The following ADGRF5 variants were observed in gnomAD, a reference collection of about 807,000 sequenced individuals.
ADGRF5 encodes G-protein coupled receptor 116.
ADGRF5 carries 75 observed loss-of-function variants against 132.3 expected under a neutral mutation model. The ratio of observed to expected loss-of-function variants is 0.57; its 90% CI spans 0.47 to 0.69. ADGRF5 has a LOEUF of 0.69. Among genes scored for constraint, ADGRF5 ranks in the 30% least tolerant of loss-of-function variants. The probability of loss-of-function intolerance (pLI) is 0.00; values close to 1 mark genes in which losing one functional copy is unlikely to be tolerated. For missense variants in ADGRF5, 1,516 were observed against 1,630.6 expected, an observed-to-expected ratio of 0.93 and a Z score of 1.21; for synonymous variants, 629 against 597.6, an observed-to-expected ratio of 1.05 and a Z score of -0.77.
Position 46,858,490 on chromosome 6 carries a change from C to G in ADGRF5, c.3413G>C (p.Cys1138Ser). ...KAIAFCLGYGCPLAISVITLG... is the reference protein window; with the variant it reads ...KAIAFCLGYGSPLAISVITLG... ...CGTGATGACCGAGATGGCAAGTGGG[C>G]AGCCATAGCCAAGACAGAAGGCAAT... The change falls in exon 17 of 21, where the codon TGC (cysteine) becomes TCC (serine). Residue 1138 changes from cysteine (C) to serine (S), a missense_variant. Physicochemically the swap from Cys to Ser is moderately radical, Grantham distance 112. Transcript: ENST00000283296. The G allele has an allele frequency of 6.2e-7, 1 of 1,613,840 alleles. No homozygotes were observed. Among genetic ancestry groups the G allele is most frequent in the South Asian group, 1.1e-5 (1 of 91,058 alleles).
chr6:46,871,750 G>T, intron 11 of ADGRF5, 93 bp downstream of exon 11: 2 of 811,000 alleles, frequency 2.5e-6, no homozygotes, highest in Non-Finnish European at 3.9e-6. Flanking sequence ...CCATTATTTT[G>T]CTCATAGATA....
At chr6:46,914,799 G>A (rs1453851752) in intron 1 of ADGRF5, among the ~76,000 whole-genome samples, 2 of 151,944 alleles carry the variant, frequency 1.3e-5, no homozygotes, top group African/African-American at 4.8e-5. Context: ...TCCAATTGCA[G>A]ACGGAGGGAA....
At chr6:46,946,039 T>G (rs776972888) in intron 1 of ADGRF5, among the ~76,000 whole-genome samples, 1 of 152,102 alleles carries the variant, frequency 6.6e-6, no homozygotes, top group East Asian at 1.9e-4. Context: ...AAGGTGAGAT[T>G]TGGGTGGGGA....
At position 46,855,635 on chromosome 6, in the gene ADGRF5, A is replaced by T. The variant is rs1581709589; in HGVS notation, c.3961+339T>A. 3.9e-5 allele frequency among the ~76,000 whole-genome samples: 6 copies of T among 152,262 alleles called. No homozygotes were observed. The East Asian group carries it at 1.2e-3, about 29-fold the overall frequency. On this transcript the variant is annotated intron_variant, in intron 20 of 20. Coordinates refer to ENST00000283296, the MANE Select transcript of ADGRF5 (RefSeq NM_001098518.2). ...AACATGACCTATCTACTCTTATCTA[A>T]CATAATTTGAGAAGAACTCTGTGTT...
rs73736686 is a variant in ADGRF5, at chr6:46,920,177, C to A, written c.-25+1536G>T. ...CTTTCATTTCTAGAATAAGAAACTT[C>A]TGATGCCCTTCAAGGGAAAAGCCCA... is the stretch of plus-strand genomic sequence containing the variant. On this transcript the variant is annotated intron_variant, in intron 1 of 20. Coordinates refer to ENST00000283296, the MANE Select transcript of ADGRF5 (RefSeq NM_001098518.2). Among the ~76,000 whole-genome samples, 1,010 of 152,276 alleles carry A rather than the reference C, an allele frequency of 6.6e-3. 12 individuals are homozygous for A. The highest frequency in any genetic ancestry group is 0.022 in the African/African-American group (920 of 41,560).
chr6:46,888,562 C>T (rs1773296964), intron 3 of ADGRF5, 57 bp from the exon 4 acceptor site: 1 of 1,189,488 alleles, frequency 8.4e-7, no homozygotes, highest in Non-Finnish European at 1.3e-6. Flanking sequence ...GGAGTAAGAT[C>T]ATGATGGATA....
At chr6:46,878,470 C>T (rs771912388) in intron 9 of ADGRF5, 65 bp from the exon 10 acceptor site, 28 of 969,366 alleles carry the variant, frequency 2.9e-5, no homozygotes, top group Non-Finnish European at 3.5e-5. Flanking sequence ...AGGAATGTAC[C>T]GTCAGCTCAT....
At chr6:46,927,052 T>G (rs2150931835) in intron 1 of ADGRF5, among the ~76,000 whole-genome samples, 1 of 152,292 alleles carries the variant, frequency 6.6e-6, no homozygotes, top group African/African-American at 2.4e-5. Flanking sequence ...TGCAAAGCCC[T>G]GTCCTCACAA....
In ADGRF5 at chr6:46,853,855, C is replaced by T. The variant is rs1453769104; in HGVS notation, c.*137G>A. On this transcript the variant is annotated 3_prime_UTR_variant, in exon 21 of 21. Coordinates refer to ENST00000283296, the MANE Select transcript of ADGRF5 (RefSeq NM_001098518.2). ...CTGTCTTTACAAAAGAAAGCCTCTTCTCTATGAAAAAGTCTTTTTGGCATC... is the reference window on the plus strand; with the variant it reads ...CTGTCTTTACAAAAGAAAGCCTCTTTTCTATGAAAAAGTCTTTTTGGCATC... The T allele has an allele frequency of 1.6e-6, 1 of 628,648 alleles. No individual in the cohort carries two copies. The highest frequency in any genetic ancestry group is 3.1e-5 in the Admixed American group (1 of 32,316). 38.9% of individuals were successfully genotyped at this position (628,648 alleles called of 1,614,324 possible).
intron 2 of ADGRF5, among the ~76,000 whole-genome samples, chr6:46,905,753 C>CA (rs1422952525): frequency 3.3e-5 from 5 of 151,742 alleles, no homozygotes; most frequent in Non-Finnish European, 5.9e-5. Context: ...CAATGACTGA[C>CA]AAAAAAATAG....
At chr6:46,879,330 G>A (rs936891476) in intron 9 of ADGRF5, among the ~76,000 whole-genome samples, 1 of 151,950 alleles carries the variant, frequency 6.6e-6, no homozygotes, top group Non-Finnish European at 1.5e-5. Context: ...ATCTCATGTC[G>A]AATTATAATC....
rs748049265 is a variant in ADGRF5 at position 46,860,925 on chromosome 6, A to AG, written c.2200-32_2200-31insC. ...AAAACAAAAGCCAACACAAAAAAAA[A>AG]TTTACCAATCAATTCAGCTATCGAA... On this transcript the variant is annotated intron_variant, in intron 15 of 20. Transcript: ENST00000283296. 108 of 1,550,618 alleles carry AG rather than the reference A, an allele frequency of 7.0e-5. 2 individuals carry two copies. In the South Asian group the frequency reaches 1.2e-3, roughly 17 times the overall value.
intron 8 of ADGRF5, among the ~76,000 whole-genome samples, chr6:46,880,657 C>A (rs1027282246): frequency 6.6e-6 from 1 of 152,082 alleles, no homozygotes; most frequent in Non-Finnish European, 1.5e-5. Context: ...TTAGTCTGGC[C>A]GAGCCTTAGT....
Position 46,853,525 on chromosome 6 carries a change from T to G in ADGRF5, c.*467A>C, listed in dbSNP as rs1768704224. The stretch of plus-strand genomic sequence containing the variant: ...CTTTATTTGTTCCTATTTTCATCTT[T>G]CTCTTTTTCTTCTTTTTCCCTTTCT... On this transcript the variant is annotated 3_prime_UTR_variant, in exon 21 of 21. Transcript: ENST00000283296. 6.4e-6 allele frequency: 1 copy of G among 155,152 alleles called. No individual in the cohort carries two copies. Among genetic ancestry groups the G allele is most frequent in the African/African-American group, 2.4e-5 (1 of 41,450 alleles). 9.6% of individuals were successfully genotyped at this position (155,152 alleles called of 1,614,324 possible).
chr6:46,906,851 C>T (rs981981241), intron 1 of ADGRF5, 65 bp from the exon 2 acceptor site: 14 of 777,756 alleles, frequency 1.8e-5, no homozygotes, highest in South Asian at 2.8e-5. Flanking sequence ...AAAAAGAACT[C>T]GCAAGCCCTG....
At chr6:46,875,602 C>A (rs924597618) in intron 10 of ADGRF5, among the ~76,000 whole-genome samples, 4 of 152,080 alleles carry the variant, frequency 2.6e-5, no homozygotes, top group South Asian at 2.1e-4. Context: ...CATGGTGAAA[C>A]CCCATCTCTA....
In ADGRF5 at chr6:46,859,515, G is replaced by A. The variant is rs756795131; in HGVS notation, c.2388C>T (p.Leu796=). 5 of 1,598,000 alleles carry A rather than the reference G, an allele frequency of 3.1e-6. No homozygotes were observed. Among genetic ancestry groups the A allele is most frequent in the East Asian group, 2.2e-5 (1 of 44,652 alleles). The part of the protein sequence containing the change: ...QVNSEMMTHV[L]STVNVILGKP... Reference sequence around the variant, plus strand: ...TGCCAAGGATGACATTAACCGTAGAGAGCACGTGCTGAAAGTGAAATGGTA... The same window carrying A: ...TGCCAAGGATGACATTAACCGTAGAAAGCACGTGCTGAAAGTGAAATGGTA... The change falls in exon 17 of 21, where the codon CTC becomes CTT. Residue 796 remains leucine, a synonymous_variant. Transcript: ENST00000283296.
rs117807010 is a variant in ADGRF5 at position 46,861,058 on chromosome 6, C to T, written c.2200-164G>A. Among the ~76,000 whole-genome samples the T allele has an allele frequency of 1.1e-4, 16 of 152,240 alleles. No homozygotes were observed. In the East Asian group the frequency reaches 2.9e-3, roughly 28 times the overall value. On this transcript the variant is annotated intron_variant, in intron 15 of 20. Coordinates refer to ENST00000283296, the MANE Select transcript of ADGRF5 (RefSeq NM_001098518.2). Reference sequence around the variant, plus strand: ...TGATGTGCTTATCCCTTAAGCACTCCATGCATGCTCTTCAGAACAGAATAT... The same window carrying T: ...TGATGTGCTTATCCCTTAAGCACTCTATGCATGCTCTTCAGAACAGAATAT...
At chr6:46,889,163 GTA>G (rs1444505899) in intron 3 of ADGRF5, among the ~76,000 whole-genome samples, 4 of 139,314 alleles carry the variant, frequency 2.9e-5, no homozygotes, top group Non-Finnish European at 6.1e-5. Context: ...TAATATATAT[GTA>G]TATGTGTGTG....
Sources: gnomAD v4.1 joint callset for allele counts (sites outside exome capture counted in the v4.1 genomes callset) on GRCh38, gnomAD v4.1.1 for gene constraint, MANE v1.5 for transcripts, NCBI Gene and HGNC (gene_info 2026-07-23, HGNC 2026-07-21) for gene names.